ERC2: variants seen among roughly 807,000 people sequenced by gnomAD.
ERC2 encodes ERC protein 2.
ERC2 carries 42 observed loss-of-function variants against 114.8 expected under a neutral mutation model. That is an observed-to-expected ratio of 0.37 (90% confidence interval 0.29 to 0.47). The LOEUF is 0.47. ERC2 is among the 20% of genes least tolerant of loss of function. The pLI is 0.99. For missense variants in ERC2, 939 were observed against 1,150.7 expected (o/e 0.82, Z 2.66); for synonymous variants, 454 against 425.5 (o/e 1.07, Z -0.82).
intron 14 of ERC2, among the ~76,000 whole-genome samples, chr3:55,755,692 A>G (rs1358801416): frequency 6.6e-6 from 1 of 152,178 alleles, no homozygotes; most frequent in South Asian, 2.1e-4. Context: ...CTAACTGCCA[A>G]TGCTGCCTGC....
chr3:56,297,947 A>G (rs752348632), intron 2 of ERC2, among the ~76,000 whole-genome samples: 15 of 152,198 alleles, frequency 9.9e-5, no homozygotes, highest in Non-Finnish European at 2.2e-4. Context: ...ATTCCCATTT[A>G]TGAATGTCCA....
intron 17 of ERC2, among the ~76,000 whole-genome samples, chr3:55,598,915 G>T (rs2058273125): frequency 6.6e-6 from 1 of 152,200 alleles, no homozygotes; most frequent in Non-Finnish European, 1.5e-5. Context: ...ACAGACATCT[G>T]CTTGCCAGAT....
intron 2 of ERC2, among the ~76,000 whole-genome samples, chr3:56,309,167 GC>G (rs2056399841): frequency 6.6e-6 from 1 of 152,182 alleles, no homozygotes; most frequent in African/African-American, 2.4e-5. Flanking sequence ...TAGCCTCTAG[GC>G]TTTCTCTTTT....
intron 17 of ERC2, among the ~76,000 whole-genome samples, chr3:55,647,395 G>A (rs552805899): frequency 1.3e-5 from 2 of 152,242 alleles, no homozygotes; most frequent in Admixed American, 6.5e-5. Context: ...AATGCTGTTC[G>A]TATAAATGTG....
chr3:56,088,728 A>T (rs1367873314), intron 6 of ERC2, among the ~76,000 whole-genome samples: 2 of 152,208 alleles, frequency 1.3e-5, no homozygotes, highest in African/African-American at 4.8e-5. Context: ...TTCAAATGTC[A>T]TGAACATTTC....
In ERC2 at chr3:55,809,311, G is replaced by A. The variant is rs2059625426; in HGVS notation, c.2565-74393C>T. On this transcript the variant is annotated intron_variant, in intron 14 of 17. Coordinates refer to ENST00000288221, the MANE Select transcript of ERC2 (RefSeq NM_015576.3). The stretch of plus-strand genomic sequence containing the variant: ...ATCACCTGGGAATTTATCATTTGAG[G>A]ACATCAGTCTAGGCAAGGATTATAT... Among the ~76,000 whole-genome samples the A allele has an allele frequency of 1.3e-5, 2 of 152,196 alleles. 1 individual carries two copies. Among genetic ancestry groups the A allele is most frequent in the South Asian group, 4.2e-4 (2 of 4,810 alleles).
Position 56,041,188 on chromosome 3 carries a change from G to A in ERC2, c.1642-22157C>T, listed in dbSNP as rs573650399. ...TGTATCTTGGACATTTTAGATATATGTTTAAGAGGTGGGGTTTTTTTCCTA... is the reference window on the plus strand; with the variant it reads ...TGTATCTTGGACATTTTAGATATATATTTAAGAGGTGGGGTTTTTTTCCTA... On this transcript the variant is annotated intron_variant, in intron 7 of 17. Transcript: ENST00000288221. Among the ~76,000 whole-genome samples the A allele has an allele frequency of 3.5e-4, 53 of 152,210 alleles. No individual in the cohort carries two copies. In the South Asian group the frequency reaches 7.3e-3, roughly 21 times the overall value.
chr3:55,789,408 C>T (rs9865440), intron 14 of ERC2, among the ~76,000 whole-genome samples: 12,272 of 152,174 alleles, frequency 0.081, 749 homozygotes, highest in African/African-American at 0.17. Context: ...CTTGCTACTA[C>T]TCCATGAGAT....
At chr3:56,361,300 A>C (rs925112875) in intron 2 of ERC2, among the ~76,000 whole-genome samples, 14 of 152,334 alleles carry the variant, frequency 9.2e-5, no homozygotes, top group Admixed American at 3.9e-4. Context: ...AGGACGTCCA[A>C]GTCTGACATG....
At chr3:56,163,871 A>G (rs2316477) in intron 4 of ERC2, among the ~76,000 whole-genome samples, 124,504 of 151,906 alleles carry the variant, frequency 0.82, 52,171 homozygotes, top group South Asian at 0.93. Flanking sequence ...TACATTCAAG[A>G]TTAATATTGA....
At chr3:55,845,710 G>A (rs1468135297) in intron 14 of ERC2, among the ~76,000 whole-genome samples, 2 of 152,198 alleles carry the variant, frequency 1.3e-5, no homozygotes, top group Non-Finnish European at 2.9e-5. Context: ...CTATAAGCCA[G>A]AGTCCATTGG....
At chr3:55,582,811 A>G (rs1189612338) in intron 17 of ERC2, among the ~76,000 whole-genome samples, 1 of 152,242 alleles carries the variant, frequency 6.6e-6, no homozygotes, top group Non-Finnish European at 1.5e-5. Flanking sequence ...TTGGCAGGTC[A>G]TCTAGCATTT....
chr3:55,690,897 T>G lies in ERC2; in HGVS notation c.2848-7038A>C, dbSNP rs2062606715. 3.3e-5 allele frequency among the ~76,000 whole-genome samples: 5 copies of G among 152,178 alleles called. No individual in the cohort carries two copies. The South Asian group carries it at 1.0e-3, about 31-fold the overall frequency. ...AACCTGCTCATCTGCAAAGCCAGCT[T>G]CCCAACTGCTGCGTAACTCCGCCTC... is the stretch of plus-strand genomic sequence containing the variant. On this transcript the variant is annotated intron_variant, in intron 16 of 17. Coordinates refer to ENST00000288221, the MANE Select transcript of ERC2 (RefSeq NM_015576.3).
At chr3:55,988,897 T>C (rs922224630) in intron 11 of ERC2, among the ~76,000 whole-genome samples, 2 of 152,228 alleles carry the variant, frequency 1.3e-5, no homozygotes, top group African/African-American at 4.8e-5. Context: ...TTGAAAAAGG[T>C]TGCTTGACAA....
chr3:56,453,837 CAT>C (rs376465885), intron 1 of ERC2, among the ~76,000 whole-genome samples: 114 of 152,270 alleles, frequency 7.5e-4, no homozygotes, highest in African/African-American at 2.7e-3. Context: ...TAGGAGGTGA[CAT>C]AGTTGTACAA....
intron 13 of ERC2, among the ~76,000 whole-genome samples, chr3:55,934,961 C>T (rs2066344876): frequency 6.6e-6 from 1 of 152,166 alleles, no homozygotes; most frequent in African/African-American, 2.4e-5. Context: ...CCAGACTGTT[C>T]CCATCTCTGT....
At chr3:55,762,115 G>A (rs1431724138) in intron 14 of ERC2, among the ~76,000 whole-genome samples, 2 of 152,130 alleles carry the variant, frequency 1.3e-5, no homozygotes, top group Admixed American at 6.5e-5. Flanking sequence ...AAATTACCCA[G>A]TCTCAGGTAG....
chr3:55,593,234 A>C (rs1027853919), intron 17 of ERC2, among the ~76,000 whole-genome samples: 77 of 152,260 alleles, frequency 5.1e-4, no homozygotes, highest in African/African-American at 1.9e-3. Flanking sequence ...CCTTGGTGCA[A>C]ATCAGTCCAC....
chr3:55,578,087 C>T (rs1028248705), intron 17 of ERC2, among the ~76,000 whole-genome samples: 1 of 152,202 alleles, frequency 6.6e-6, no homozygotes, highest in African/African-American at 2.4e-5. Context: ...CAGAGAGGGG[C>T]CTTCCCACTT....
Sources: gnomAD v4.1 joint callset for allele counts (sites outside exome capture counted in the v4.1 genomes callset) on GRCh38, gnomAD v4.1.1 for gene constraint, MANE v1.5 for transcripts, NCBI Gene and HGNC (gene_info 2026-07-23, HGNC 2026-07-21) for gene names.